Variants in CEP44 observed in about 807,000 individuals in gnomAD.
CEP44 encodes the protein centrosomal protein of 44 kDa.
In CEP44, 45 loss-of-function variants were observed where a neutral mutation model predicts 46.7. That is an observed-to-expected ratio of 0.96 (90% CI 0.76 to 1.24). The LOEUF (loss-of-function observed/expected upper bound fraction) is 1.24. Ranked by LOEUF, CEP44 falls within the 50% of genes most tolerant of loss-of-function variation. The pLI is 0.00. For synonymous variants in CEP44, 142 were observed against 146.0 expected (o/e 0.97, Z 0.20); for missense variants, 475 against 459.7 (o/e 1.03, Z -0.30).
In CEP44 at chr4:174,286,342, C is replaced by T. The variant is rs1175331475; in HGVS notation, c.-148+2399C>T. Among the ~76,000 whole-genome samples the T allele has an allele frequency of 6.6e-6, 1 of 152,162 alleles. No homozygotes were observed. Among genetic ancestry groups the T allele is most frequent in the African/African-American group, 2.4e-5 (1 of 41,440 alleles). ...GTAAAGGGATGATTTGTATCCTGGA[C>T]AGCTGGGTAATGCGAATTGGAGGAA... On this transcript the variant is annotated intron_variant, in intron 1 of 11. Coordinates refer to ENST00000503780, the MANE Select transcript of CEP44 (RefSeq NM_001040157.3). The surrounding 1 kb of genome is among the most constrained non-coding windows in gnomAD (Gnocchi z 5.2).
chr4:174,317,833 A>G lies in CEP44; in HGVS notation c.*450A>G. 1.0e-6 allele frequency: 1 copy of G among 985,836 alleles called. No homozygotes were observed. Among genetic ancestry groups the G allele is most frequent in the East Asian group, 1.1e-4 (1 of 8,814 alleles). 61.1% of individuals were successfully genotyped at this position (985,836 alleles called of 1,614,324 possible). A position where few individuals can be genotyped will look rare whatever the true frequency, so the allele number is the denominator to read the frequency against. On this transcript the variant is annotated 3_prime_UTR_variant, in exon 12 of 12. Transcript: ENST00000503780. The stretch of plus-strand genomic sequence containing the variant: ...TGTACTGATGAATAAGTTATAATGA[A>G]CAGTTAAAAATGCTCATTGAAAATT...
Position 174,318,394 on chromosome 4 carries a change from A to G in CEP44, c.*1011A>G, listed in dbSNP as rs559321943. ...TTCTAGCCACCGTTAAAAGATACACAGTGAGGTGTTGTGTTTTGTTTTTTT... is the reference window on the plus strand; with the variant it reads ...TTCTAGCCACCGTTAAAAGATACACGGTGAGGTGTTGTGTTTTGTTTTTTT... On this transcript the variant is annotated 3_prime_UTR_variant, in exon 12 of 12. Transcript: ENST00000503780. The G allele has an allele frequency of 1.6e-5, 16 of 985,202 alleles. No homozygotes were observed. In the East Asian group the frequency reaches 1.7e-3, roughly 105 times the overall value. The allele number at this position is 985,202 out of a possible 1,614,324, so 61.0% of individuals were successfully genotyped here.
chr4:174,331,783 T>A lies in CEP44; in HGVS notation c.*188T>A. On this transcript the variant is annotated 3_prime_UTR_variant, in exon 9 of 9. Transcript: ENST00000426172. The surrounding 1 kb of genome is among the most constrained non-coding windows in gnomAD (Gnocchi z 4.5). The stretch of plus-strand genomic sequence containing the variant: ...CATGGGTAACACTTAGTTGTTTGTC[T>A]AATTTCTATTTTCCAGAAATTTCTC... 3.0e-6 allele frequency: 2 copies of A among 659,784 alleles called. No individual in the cohort carries two copies. Among genetic ancestry groups the A allele is most frequent in the Non-Finnish European group, 4.5e-6 (2 of 446,618 alleles). 40.9% of individuals were successfully genotyped at this position (659,784 alleles called of 1,614,324 possible).
intron 1 of CEP44, among the ~76,000 whole-genome samples, chr4:174,294,282 A>G (rs1738586102): frequency 6.6e-6 from 1 of 151,694 alleles, no homozygotes; most frequent in Non-Finnish European, 1.5e-5. Context: ...CTGTTTAACA[A>G]AGCACATCTT....
rs76513918 is a variant in CEP44 at position 174,296,645 on chromosome 4, A to G, written c.-147-1321A>G. 3.2e-3 allele frequency among the ~76,000 whole-genome samples: 485 copies of G among 151,618 alleles called. 3 individuals are homozygous for G. The highest frequency in any genetic ancestry group is 0.011 in the African/African-American group (458 of 41,306). ...TGCCTTATGACGCCAAAGATAGTCT[A>G]TCTTGGTGGATGTTCCATGTGAAAT... On this transcript the variant is annotated intron_variant, in intron 1 of 11. Transcript: ENST00000503780.
rs1011864536 is a variant in CEP44 at position 174,319,533 on chromosome 4, T to C, written c.*2150T>C. The C allele has an allele frequency of 2.1e-5, 18 of 862,628 alleles. No individual in the cohort carries two copies. The highest frequency in any genetic ancestry group is 2.5e-5 in the Non-Finnish European group (18 of 718,188). 53.4% of individuals were successfully genotyped at this position (862,628 alleles called of 1,614,324 possible). ...TTAAGTCTCTTTCTACCCTTTCTTT[T>C]TTTCTTTATATAGTGCAGATATACA... On this transcript the variant is annotated 3_prime_UTR_variant, in exon 12 of 12. Transcript: ENST00000503780.
At position 174,312,670 on chromosome 4, in the gene CEP44, G is replaced by A. The variant is rs1741217280; in HGVS notation, c.961+1812G>A. On this transcript the variant is annotated intron_variant, in intron 9 of 11. Coordinates refer to ENST00000503780, the MANE Select transcript of CEP44 (RefSeq NM_001040157.3). This position sits in a 1 kb window ranked among gnomAD's most constrained non-coding sequence, Gnocchi z 4.5. ...AATTAACAGGCCTCTATCTGAAATGGATTACAGATTATGATTAGGTTGAAT... is the reference window on the plus strand; with the variant it reads ...AATTAACAGGCCTCTATCTGAAATGAATTACAGATTATGATTAGGTTGAAT... Among the ~76,000 whole-genome samples, 1 of 152,046 alleles carries A rather than the reference G, an allele frequency of 6.6e-6. No individual in the cohort carries two copies. The highest frequency in any genetic ancestry group is 2.4e-5 in the African/African-American group (1 of 41,386).
chr4:174,303,770 C>T lies in CEP44; in HGVS notation c.305C>T (p.Ala102Val). 1 of 1,569,402 alleles carries T rather than the reference C, an allele frequency of 6.4e-7. No homozygotes were observed. The highest frequency in any genetic ancestry group is 8.7e-7 in the Non-Finnish European group (1 of 1,146,466). ...TKKQFIQCGF[A>V]EWKIQIVCDI... ...AAGCAGTTTATCCAATGTGGGTTTG[C>T]AGAATGGAAAATCCAAATTGTTTGT... The change falls in exon 5 of 12, where the codon GCA becomes GTA. Residue 102 changes from alanine (A) to valine (V), a missense_variant. Transcript: ENST00000503780.
At position 174,315,842 on chromosome 4, in the gene CEP44, A is replaced by G. The variant is rs1455233770; in HGVS notation, c.962-324A>G. Among the ~76,000 whole-genome samples, 3 of 37,238 alleles carry G rather than the reference A, an allele frequency of 8.1e-5. No individual in the cohort carries two copies. In the South Asian group the frequency reaches 2.2e-3, roughly 27 times the overall value. The allele number at this position is 37,238 out of a possible 152,430, so 24.4% of individuals were successfully genotyped here. ...GGCGACAGAGCGAGACTCCGTCTCAAAAAAAAAAAAAAAAAAAGAAAAGAA... is the reference window on the plus strand; with the variant it reads ...GGCGACAGAGCGAGACTCCGTCTCAGAAAAAAAAAAAAAAAAAGAAAAGAA... On this transcript the variant is annotated intron_variant, in intron 9 of 11. Transcript: ENST00000503780.
At position 174,284,605 on chromosome 4, in the gene CEP44, C is replaced by T. The variant is rs559909301; in HGVS notation, c.-148+662C>T. On this transcript the variant is annotated intron_variant, in intron 1 of 11. Coordinates refer to ENST00000503780, the MANE Select transcript of CEP44 (RefSeq NM_001040157.3). ...CTTTTACTCTGGAATTATGGCCATG[C>T]TAGACTGTTTTTTTCCCGAATTATC... Among the ~76,000 whole-genome samples the T allele has an allele frequency of 1.7e-4, 26 of 152,202 alleles. No individual in the cohort carries two copies. The South Asian group carries it at 2.7e-3, about 16-fold the overall frequency.
At chr4:174,299,934 A>G (rs1739517082) in intron 3 of CEP44, among the ~76,000 whole-genome samples, 1 of 152,168 alleles carries the variant, frequency 6.6e-6, no homozygotes, top group South Asian at 2.1e-4. Flanking sequence ...TCATTGATTA[A>G]TTGATGGATT....
In CEP44 at chr4:174,318,616, T is replaced by C. The variant is rs138654619; in HGVS notation, c.*1233T>C. On this transcript the variant is annotated 3_prime_UTR_variant, in exon 12 of 12. Coordinates refer to ENST00000503780, the MANE Select transcript of CEP44 (RefSeq NM_001040157.3). ...TTGGAAGGAAAATTAGTATTTTTTT[T>C]AATATTATATGGACCATCTGATTAT... is the stretch of plus-strand genomic sequence containing the variant. 4.5e-6 allele frequency: 3 copies of C among 671,778 alleles called. No homozygotes were observed. Among genetic ancestry groups the C allele is most frequent in the African/African-American group, 3.9e-5 (2 of 51,048 alleles). The allele number at this position is 671,778 out of a possible 1,614,324, so 41.6% of individuals were successfully genotyped here. A position where few individuals can be genotyped will look rare whatever the true frequency, so the allele number is the denominator to read the frequency against.
chr4:174,321,350 A>C (rs1742303993), downstream of CEP44, among the ~76,000 whole-genome samples: 1 of 152,106 alleles, frequency 6.6e-6, no homozygotes, highest in Non-Finnish European at 1.5e-5. Flanking sequence ...CCTCCTTAGC[A>C]CCTTTGGTTA....
intron 1 of CEP44, among the ~76,000 whole-genome samples, chr4:174,294,581 G>A (rs1300673899): frequency 6.6e-6 from 1 of 151,876 alleles, no homozygotes; most frequent in Non-Finnish European, 1.5e-5. Context: ...ACGGGGTGGT[G>A]GCTGGGCAGA....
intron 6 of CEP44, 125 bp downstream of exon 6, chr4:174,304,494 T>A (rs1740153129): frequency 1.5e-6 from 2 of 1,299,966 alleles, no homozygotes; most frequent in South Asian, 3.0e-5. Context: ...TCATTGATTT[T>A]TAACAGTGCA....
chr4:174,284,978 C>T (rs1737410237), intron 1 of CEP44, among the ~76,000 whole-genome samples: 1 of 152,148 alleles, frequency 6.6e-6, no homozygotes, highest in Non-Finnish European at 1.5e-5. Context: ...GTTTTAATGA[C>T]CTCTAACAGC....
chr4:174,327,241 TAATAA>T (rs1473517356), intron 8 of CEP44, among the ~76,000 whole-genome samples: 4 of 150,828 alleles, frequency 2.7e-5, no homozygotes, highest in African/African-American at 4.9e-5. Flanking sequence ...AAAACAAACG[TAATAA>T]AATATGTGCA....
rs554359746 is a variant in CEP44, at chr4:174,294,939, C to T, written c.-147-3027C>T. Among the ~76,000 whole-genome samples the T allele has an allele frequency of 3.0e-3, 410 of 137,020 alleles. 1 individual carries two copies. Among genetic ancestry groups the T allele is most frequent in the African/African-American group, 0.011 (389 of 35,928 alleles). 89.9% of individuals were successfully genotyped at this position (137,020 alleles called of 152,430 possible). ...CCCGGTAGGGGCGGCCAGGCAGAGG[C>T]GCCCCTCACCTCCTGGACGGGACGG... is the stretch of plus-strand genomic sequence containing the variant. On this transcript the variant is annotated intron_variant, in intron 1 of 11. Transcript: ENST00000503780.
At chr4:174,307,213 A>G (rs574019292) in intron 6 of CEP44, among the ~76,000 whole-genome samples, 1 of 152,300 alleles carries the variant, frequency 6.6e-6, no homozygotes, top group Non-Finnish European at 1.5e-5. Context: ...TTCAAACTAT[A>G]CTACAGGGCT....
Sources: allele counts gnomAD v4.1 joint callset (sites outside exome capture counted in the v4.1 genomes callset), GRCh38; gene constraint gnomAD v4.1.1; non-coding constraint Gnocchi (gnomAD v3.1); transcripts MANE v1.5; gene names NCBI Gene and HGNC (gene_info 2026-07-23, HGNC 2026-07-21).